The following INTU variants were observed in gnomAD, a reference collection of about 807,000 sequenced individuals.
INTU encodes inturned planar cell polarity protein.
In INTU, 68 loss-of-function variants were observed where a neutral mutation model predicts 100.5. That is an observed-to-expected ratio of 0.68 (90% CI 0.56 to 0.83). The LOEUF (loss-of-function observed/expected upper bound fraction) is 0.83, where lower values mean the gene tolerates loss of function less well. Ranked by LOEUF, INTU falls within the 40% of genes least tolerant of loss-of-function variation. The pLI, the probability that INTU is intolerant of heterozygous loss-of-function variation, is 0.00. For missense variants in INTU, 1,071 were observed against 1,114.7 expected (o/e 0.96, Z 0.56); for synonymous variants, 357 against 395.7 (o/e 0.90, Z 1.16).
At chr4:127,686,170 C>T (rs1003378474) in intron 7 of INTU, 27 of 152,244 alleles carry the variant, frequency 1.8e-4, no homozygotes, top group African/African-American at 6.5e-4. Flanking sequence ...GGTTAATTCT[C>T]TATGAGCCAC....
chr4:127,708,735 A>G (rs1730984149), intron 13 of INTU, 67 bp downstream of exon 13: 1 of 744,928 alleles, frequency 1.3e-6, no homozygotes, highest in Admixed American at 2.7e-5. Context: ...GTACAATTTT[A>G]TAACATGTAT....
chr4:127,634,563 C>G (rs2126168187), intron 1 of INTU, among the ~76,000 whole-genome samples: 1 of 152,302 alleles, frequency 6.6e-6, no homozygotes, highest in East Asian at 1.9e-4. Flanking sequence ...GAACTTGTCA[C>G]TTAAAAGAAT....
chr4:127,673,573 G>A (rs960919365), intron 5 of INTU, among the ~76,000 whole-genome samples: 1 of 150,318 alleles, frequency 6.7e-6, no homozygotes, highest in African/African-American at 2.4e-5. Context: ...TCTATAATAG[G>A]TCTATTTTTG....
At chr4:127,659,341 G>A (rs1728372119) in intron 3 of INTU, among the ~76,000 whole-genome samples, 1 of 151,950 alleles carries the variant, frequency 6.6e-6, no homozygotes, top group African/African-American at 2.4e-5. Flanking sequence ...GAAGAGAGGA[G>A]TATGGAAGGA....
rs1030200725 is a variant in INTU at position 127,720,605 on chromosome 4, G to A, written c.*4169G>A. ...TAAAGTCTCCCACTATTATTGTGTGGAAATCTAAGTCTCTTTTTGGGTCTC... is the reference window on the plus strand; with the variant it reads ...TAAAGTCTCCCACTATTATTGTGTGAAAATCTAAGTCTCTTTTTGGGTCTC... On this transcript the variant is annotated 3_prime_UTR_variant, in exon 16 of 16. Transcript: ENST00000335251. The A allele has an allele frequency of 6.6e-6, 1 of 152,114 alleles. No individual in the cohort carries two copies. The highest frequency in any genetic ancestry group is 1.5e-5 in the Non-Finnish European group (1 of 68,010). 9.4% of individuals were successfully genotyped at this position (152,114 alleles called of 1,614,324 possible). A position where few individuals can be genotyped will look rare whatever the true frequency, so the allele number is the denominator to read the frequency against.
intron 8 of INTU, among the ~76,000 whole-genome samples, chr4:127,691,209 A>G (rs1359101736): frequency 6.6e-6 from 1 of 152,094 alleles, no homozygotes; most frequent in Non-Finnish European, 1.5e-5. Context: ...TTAATGCTGA[A>G]TAGTATTTCA....
intron 6 of INTU, among the ~76,000 whole-genome samples, chr4:127,678,205 A>G (rs1057417355): frequency 2.6e-5 from 4 of 152,210 alleles, no homozygotes; most frequent in African/African-American, 9.7e-5. Context: ...GAACTTCCCC[A>G]ATCTAGCAAG....
chr4:127,669,014 G>A (rs1398493342), intron 4 of INTU, 22 bp from the exon 5 acceptor site: 1 of 1,139,322 alleles, frequency 8.8e-7, no homozygotes, highest in Non-Finnish European at 1.3e-6. Context: ...TGGGTGGTTT[G>A]ATCATTTGTT....
chr4:127,695,024 T>A (rs1189554615), intron 8 of INTU, among the ~76,000 whole-genome samples: 1 of 152,172 alleles, frequency 6.6e-6, no homozygotes, highest in African/African-American at 2.4e-5. Flanking sequence ...TAGAATACCT[T>A]GTTGGAATTT....
chr4:127,689,082 G>A (rs533876033), intron 8 of INTU, among the ~76,000 whole-genome samples: 153 of 149,298 alleles, frequency 1.0e-3, no homozygotes, highest in African/African-American at 3.5e-3. Context: ...TCCCAGGCTC[G>A]GGTGATCTTC....
intron 8 of INTU, among the ~76,000 whole-genome samples, chr4:127,690,238 G>A (rs1730056445): frequency 2.6e-5 from 4 of 152,150 alleles, no homozygotes; most frequent in African/African-American, 9.7e-5. Flanking sequence ...TTCTTTAAAA[G>A]ATTTATATGC....
In INTU at chr4:127,711,008, A is replaced by G; in HGVS notation, c.2465A>G (p.Gln822Arg). The G allele has an allele frequency of 6.2e-7, 1 of 1,609,500 alleles. No homozygotes were observed. The highest frequency in any genetic ancestry group is 1.7e-5 in the Admixed American group (1 of 59,894). The change falls in exon 14 of 16, where the codon CAG (glutamine) becomes CGG (arginine). Residue 822 changes from glutamine to arginine, a missense_variant. By Grantham distance (43) the Gln-to-Arg change is conservative. Transcript: ENST00000335251. ...ACTCCTACCCTTGAAGAGGTGGCAC[A>G]GCTAAGTGGCTCTATCCACCCTCAG... is the stretch of plus-strand genomic sequence containing the variant. The part of the protein sequence containing the change: ...FITPTLEEVA[Q>R]LSGSIHPQLI...
Position 127,722,495 on chromosome 4 carries a change from G to A in INTU, c.*6059G>A, listed in dbSNP as rs1200861195. 2.0e-5 allele frequency: 3 copies of A among 152,328 alleles called. No individual in the cohort carries two copies. The highest frequency in any genetic ancestry group is 7.2e-5 in the African/African-American group (3 of 41,462). 9.4% of individuals were successfully genotyped at this position (152,328 alleles called of 1,614,324 possible). A position where few individuals can be genotyped will look rare whatever the true frequency, so the allele number is the denominator to read the frequency against. On this transcript the variant is annotated 3_prime_UTR_variant, in exon 16 of 16. Coordinates refer to ENST00000335251, the MANE Select transcript of INTU (RefSeq NM_015693.4). ...TGACAGGGTGGGTGTGCTACACTGGGGGGAATCCCCCTCATCTGGACTGCC... is the reference window on the plus strand; with the variant it reads ...TGACAGGGTGGGTGTGCTACACTGGAGGGAATCCCCCTCATCTGGACTGCC...
Position 127,706,350 on chromosome 4 carries a change from G to C in INTU, c.1789-137G>C. ...ATAATAACCAAAAAGGAAAGATGAC[G>C]GAGGAATTTTTAATAATCATCACAT... On this transcript the variant is annotated intron_variant, in intron 11 of 15. Transcript: ENST00000335251. 5.6e-6 allele frequency: 4 copies of C among 708,422 alleles called. No individual in the cohort carries two copies. In the South Asian group the frequency reaches 8.7e-5, roughly 15 times the overall value. 43.9% of individuals were successfully genotyped at this position (708,422 alleles called of 1,614,324 possible). A position where few individuals can be genotyped will look rare whatever the true frequency, so the allele number is the denominator to read the frequency against.
intron 12 of INTU, among the ~76,000 whole-genome samples, chr4:127,707,425 CAAAT>C (rs1730934057): frequency 1.5e-5 from 2 of 132,848 alleles, no homozygotes; most frequent in Admixed American, 1.5e-4. Flanking sequence ...AAAGAAATAT[CAAAT>C]AATAAGATAA....
rs749492264 is a variant in INTU at position 127,669,307 on chromosome 4, C to T, written c.1091+153C>T. 7.3e-5 allele frequency among the ~76,000 whole-genome samples: 11 copies of T among 151,442 alleles called. No individual in the cohort carries two copies. In the East Asian group the frequency reaches 1.9e-3, roughly 27 times the overall value. On this transcript the variant is annotated intron_variant, in intron 5 of 15. Transcript: ENST00000335251. ...ATAGTCTATAATGTATGTATATACA[C>T]GTATATATCTATACATTATAGATAA...
At chr4:127,690,168 A>G (rs1372218789) in intron 8 of INTU, among the ~76,000 whole-genome samples, 1 of 152,222 alleles carries the variant, frequency 6.6e-6, no homozygotes, top group African/African-American at 2.4e-5. Context: ...TTTGGGGCTT[A>G]CAGATTCCAT....
intron 6 of INTU, among the ~76,000 whole-genome samples, chr4:127,676,974 C>T (rs192995430): frequency 0.038 from 5,744 of 152,214 alleles, 372 homozygotes; most frequent in African/African-American, 0.13. Context: ...GAGGGTCCTA[C>T]GCCCACGGAG....
chr4:127,713,840 A>G (rs1380955835), intron 14 of INTU, 96 bp from the exon 15 acceptor site: 1 of 806,500 alleles, frequency 1.2e-6, no homozygotes, highest in African/African-American at 1.7e-5. Context: ...CAGGCACTGA[A>G]GTATTTGGAT....
Sources: gnomAD v4.1 joint callset for allele counts (sites outside exome capture counted in the v4.1 genomes callset) on GRCh38, gnomAD v4.1.1 for gene constraint, MANE v1.5 for transcripts, NCBI Gene and HGNC (gene_info 2026-07-23, HGNC 2026-07-21) for gene names.